SNAP29: variants seen among roughly 807,000 people sequenced by gnomAD.
SNAP29 encodes synaptosomal-associated protein 29.
SNAP29 carries 13 observed loss-of-function variants against 27.9 expected under a neutral mutation model. The observed-to-expected ratio is 0.47, with a 90% confidence interval of 0.30 to 0.74. SNAP29 has a LOEUF of 0.74. Among genes scored for constraint, SNAP29 ranks in the 30% least tolerant of loss-of-function variants. SNAP29 has a pLI of 0.06. For synonymous variants in SNAP29, 119 were observed against 127.1 expected, an observed-to-expected ratio of 0.94 and a Z score of 0.43; for missense variants, 368 against 336.5, an observed-to-expected ratio of 1.09 and a Z score of -0.73.
rs1403415482 is a variant in SNAP29, at chr22:20,888,331, ACACACACACACACACACACACACACT to A, written c.*497_*522del. The A allele has an allele frequency of 1.7e-5, 3 of 177,324 alleles. No homozygotes were observed. The highest frequency in any genetic ancestry group is 1.4e-4 in the East Asian group (1 of 6,968). The allele number at this position is 177,324 out of a possible 1,614,324, so 11.0% of individuals were successfully genotyped here. A position where few individuals can be genotyped will look rare whatever the true frequency, so the allele number is the denominator to read the frequency against. On this transcript the variant is annotated 3_prime_UTR_variant, in exon 5 of 5. Transcript: ENST00000215730. ...ATCATTCACACACACACACACACACACACACACACACACACACACACACACTCTCTGAGCACATTATCTGTGATTCT... is the reference window on the plus strand; with the variant it reads ...ATCATTCACACACACACACACACACACTCTGAGCACATTATCTGTGATTCT...
rs59194912 is a variant in SNAP29 at position 20,859,051 on chromosome 22, G to C, written c.-60G>C. 4 of 1,457,848 alleles carry C rather than the reference G, an allele frequency of 2.7e-6. No individual in the cohort carries two copies. The highest frequency in any genetic ancestry group is 2.3e-5 in the East Asian group (1 of 42,974). 90.3% of individuals were successfully genotyped at this position (1,457,848 alleles called of 1,614,324 possible). A position where few individuals can be genotyped will look rare whatever the true frequency, so the allele number is the denominator to read the frequency against. On this transcript the variant is annotated 5_prime_UTR_variant, in exon 1 of 5. Coordinates refer to ENST00000215730, the MANE Select transcript of SNAP29 (RefSeq NM_004782.4). ...GGTCGGCGGGCGGGGCGAGGCCCTGGACGGCGGCGGCAGTGGGGCTCCTCC... is the reference window on the plus strand; with the variant it reads ...GGTCGGCGGGCGGGGCGAGGCCCTGCACGGCGGCGGCAGTGGGGCTCCTCC...
At chr22:20,884,742 C>T (rs1928973406) in intron 4 of SNAP29, among the ~76,000 whole-genome samples, 1 of 151,810 alleles carries the variant, frequency 6.6e-6, no homozygotes, top group Non-Finnish European at 1.5e-5. Context: ...TATCTGGGGC[C>T]CAGCAGGCAA....
intron 1 of SNAP29, among the ~76,000 whole-genome samples, chr22:20,861,117 G>GTTTTTTTTTTTTTT (rs1491578419): frequency 9.5e-6 from 1 of 105,028 alleles, no homozygotes. Context: ...ACCTCCCTGT[G>GTTTTTTTTTTTTTT]GTTTTTTTTT....
chr22:20,865,654 C>T (rs1269159134), intron 1 of SNAP29, among the ~76,000 whole-genome samples: 1 of 152,192 alleles, frequency 6.6e-6, no homozygotes, highest in Non-Finnish European at 1.5e-5. Context: ...TTCACTGATT[C>T]ACTGGAAGGA....
intron 1 of SNAP29, among the ~76,000 whole-genome samples, chr22:20,861,118 G>GTT (rs362237): frequency 0.37 from 44,707 of 121,552 alleles, 9,026 homozygotes; most frequent in East Asian, 0.48. Context: ...CCTCCCTGTG[G>GTT]TTTTTTTTTT....
chr22:20,870,603 T>C, intron 2 of SNAP29, 70 bp downstream of exon 2: 1 of 1,354,830 alleles, frequency 7.4e-7, no homozygotes, highest in Non-Finnish European at 1.0e-6. Flanking sequence ...ACCAAGACTT[T>C]CAGTCCACGT....
intron 3 of SNAP29, among the ~76,000 whole-genome samples, chr22:20,883,061 GA>G (rs1233731130): frequency 6.6e-6 from 1 of 150,744 alleles, no homozygotes; most frequent in Non-Finnish European, 1.5e-5. Flanking sequence ...ATTTCAGAAA[GA>G]AACGAAATTA....
chr22:20,879,585 C>G (rs1444037807), intron 2 of SNAP29, among the ~76,000 whole-genome samples: 1 of 151,712 alleles, frequency 6.6e-6, no homozygotes, highest in Non-Finnish European at 1.5e-5. Flanking sequence ...GTGGCTTATG[C>G]CTGTAATCCC....
rs1275268674 is a variant in SNAP29 at position 20,888,421 on chromosome 22, T to C, written c.*585T>C. 5.8e-6 allele frequency: 1 copy of C among 172,120 alleles called. No homozygotes were observed. The highest frequency in any genetic ancestry group is 1.2e-5 in the Non-Finnish European group (1 of 80,428). The allele number at this position is 172,120 out of a possible 1,614,324, so 10.7% of individuals were successfully genotyped here. On this transcript the variant is annotated 3_prime_UTR_variant, in exon 5 of 5. Coordinates refer to ENST00000215730, the MANE Select transcript of SNAP29 (RefSeq NM_004782.4). ...AAAGGATCAGTGTTAGAATGGGAAA[T>C]AGAGTGTGCCATCTTGCTCTTTTGT... is the stretch of plus-strand genomic sequence containing the variant.
chr22:20,864,400 G>A lies in SNAP29; in HGVS notation c.237+5053G>A, dbSNP rs947889846. 3.3e-5 allele frequency among the ~76,000 whole-genome samples: 5 copies of A among 152,202 alleles called. No homozygotes were observed. The South Asian group carries it at 1.0e-3, about 31-fold the overall frequency. On this transcript the variant is annotated intron_variant, in intron 1 of 4. Coordinates refer to ENST00000215730, the MANE Select transcript of SNAP29 (RefSeq NM_004782.4). ...ACCCACACTGGGCATTCCATTCAGA[G>A]GTGGGAGAGAGGAGGACACCCCTCC...
intron 3 of SNAP29, among the ~76,000 whole-genome samples, chr22:20,882,103 C>A (rs1194972253): frequency 6.6e-6 from 1 of 151,798 alleles, no homozygotes; most frequent in Non-Finnish European, 1.5e-5. Flanking sequence ...GTAGAAACTG[C>A]AAAAGGCGAG....
chr22:20,867,337 G>T (rs1326379988), intron 1 of SNAP29, among the ~76,000 whole-genome samples: 6 of 152,056 alleles, frequency 3.9e-5, no homozygotes, highest in Admixed American at 1.3e-4. Flanking sequence ...CTCTGCGGAG[G>T]GGGGTGTGGA....
chr22:20,882,861 T>G (rs1163217917), intron 3 of SNAP29, among the ~76,000 whole-genome samples: 2 of 152,182 alleles, frequency 1.3e-5, no homozygotes, highest in Non-Finnish European at 2.9e-5. Flanking sequence ...CTGAAAGAGA[T>G]AAACCGGGAT....
At chr22:20,881,558 T>C (rs1928892500) in intron 3 of SNAP29, among the ~76,000 whole-genome samples, 1 of 151,788 alleles carries the variant, frequency 6.6e-6, no homozygotes, top group Admixed American at 6.6e-5. Flanking sequence ...TACAAAAAAA[T>C]TAGCCAAATG....
In SNAP29 at chr22:20,859,105, G is replaced by A. The variant is rs1428691711; in HGVS notation, c.-6G>A. ...TGTTTCCCAGACCGAGAGCCGCGCCGGCACCATGTCAGCTTACCCTAAAAG... is the reference window on the plus strand; with the variant it reads ...TGTTTCCCAGACCGAGAGCCGCGCCAGCACCATGTCAGCTTACCCTAAAAG... On this transcript the variant is annotated 5_prime_UTR_variant, in exon 1 of 5. Coordinates refer to ENST00000215730, the MANE Select transcript of SNAP29 (RefSeq NM_004782.4). 5.0e-6 allele frequency: 8 copies of A among 1,596,646 alleles called. No individual in the cohort carries two copies. In the South Asian group the frequency reaches 5.6e-5, roughly 11 times the overall value.
intron 4 of SNAP29, among the ~76,000 whole-genome samples, chr22:20,885,576 G>GT (rs1276346602): frequency 6.6e-6 from 1 of 152,228 alleles, no homozygotes; most frequent in Non-Finnish European, 1.5e-5. Flanking sequence ...TAGTGGTATG[G>GT]TTGGTGCCTG....
At chr22:20,873,203 G>A (rs1928639653) in intron 2 of SNAP29, among the ~76,000 whole-genome samples, 1 of 151,942 alleles carries the variant, frequency 6.6e-6, no homozygotes, top group Non-Finnish European at 1.5e-5. Flanking sequence ...AAGAGATGAG[G>A]TCTTGCTGTG....
At chr22:20,882,950 A>G (rs1005106300) in intron 3 of SNAP29, among the ~76,000 whole-genome samples, 1 of 151,982 alleles carries the variant, frequency 6.6e-6, no homozygotes, top group Non-Finnish European at 1.5e-5. Context: ...GAAGAAACTA[A>G]AAGTTCAAGG....
rs983922247 is a variant in SNAP29 at position 20,859,052 on chromosome 22, A to G, written c.-59A>G. ...GTCGGCGGGCGGGGCGAGGCCCTGG[A>G]CGGCGGCGGCAGTGGGGCTCCTCCT... On this transcript the variant is annotated 5_prime_UTR_variant, in exon 1 of 5. Coordinates refer to ENST00000215730, the MANE Select transcript of SNAP29 (RefSeq NM_004782.4). The G allele has an allele frequency of 2.7e-6, 4 of 1,456,046 alleles. No individual in the cohort carries two copies. Among genetic ancestry groups the G allele is most frequent in the Non-Finnish European group, 3.8e-6 (4 of 1,052,602 alleles). The allele number at this position is 1,456,046 out of a possible 1,614,324, so 90.2% of individuals were successfully genotyped here. A position where few individuals can be genotyped will look rare whatever the true frequency, so the allele number is the denominator to read the frequency against.
Sources: allele counts gnomAD v4.1 joint callset (sites outside exome capture counted in the v4.1 genomes callset), GRCh38; gene constraint gnomAD v4.1.1; transcripts MANE v1.5; gene names NCBI Gene and HGNC (gene_info 2026-07-23, HGNC 2026-07-21).